The following DMD variants were observed in gnomAD, a reference collection of about 807,000 sequenced individuals.
The protein encoded by DMD is mutant dystrophin.
A neutral mutation model predicts 330.1 loss-of-function variants in DMD; 63 were observed. The ratio of observed to expected loss-of-function variants is 0.19; its 90% CI spans 0.16 to 0.24. The LOEUF is 0.24. Ranked by LOEUF, DMD falls within the 10% of genes least tolerant of loss-of-function variation. The probability of loss-of-function intolerance (pLI) is 1.00; values close to 1 mark genes in which losing one functional copy is unlikely to be tolerated. For synonymous variants in DMD, 1,223 were observed against 959.8 expected (o/e 1.27, Z -5.07); for missense variants, 3,344 against 2,684.1 (o/e 1.25, Z -5.43).
intron 74 of DMD, among the ~76,000 whole-genome samples, chrX:31,149,915 AC>A (rs2037191612): frequency 9.0e-6 from 1 of 111,358 alleles, no homozygotes; most frequent in Non-Finnish European, 1.9e-5. Flanking sequence ...CAATCAGAGA[AC>A]CCCTGTATGA....
At chrX:31,243,322 A>G (rs1365255938) in intron 63 of DMD, among the ~76,000 whole-genome samples, 3 of 112,075 alleles carry the variant, frequency 2.7e-5, no homozygotes, top group African/African-American at 9.7e-5. Flanking sequence ...TATAGAGAAT[A>G]AAATTTAATT....
intron 18 of DMD, among the ~76,000 whole-genome samples, chrX:32,513,019 T>A (rs1458495750): frequency 8.9e-6 from 1 of 112,064 alleles, no homozygotes; most frequent in Non-Finnish European, 1.9e-5. Flanking sequence ...TTAATGAAGA[T>A]GAGGGATATT....
intron 2 of DMD, among the ~76,000 whole-genome samples, chrX:32,967,791 C>T (rs944674728): frequency 9.0e-6 from 1 of 111,609 alleles, no homozygotes; most frequent in African/African-American, 3.3e-5. Flanking sequence ...AATGTAATCT[C>T]GGTTGAACAG....
intron 6 of DMD, among the ~76,000 whole-genome samples, chrX:32,815,520 T>TATATATATATACACACACACAC: frequency 1.1e-4 from 9 of 78,914 alleles, no homozygotes; most frequent in African/African-American, 4.2e-4. Flanking sequence ...TATATATATA[T>TATATATATATACACACACACAC]ACACACACAC....
intron 2 of DMD, among the ~76,000 whole-genome samples, chrX:32,931,550 G>A (rs1050421791): frequency 9.0e-6 from 1 of 111,471 alleles, no homozygotes; most frequent in Non-Finnish European, 1.9e-5. Flanking sequence ...TGTTTTTATG[G>A]CTAAGGTCAG....
chrX:31,417,534 G>A (rs1478531262), intron 60 of DMD, among the ~76,000 whole-genome samples: 1 of 111,072 alleles, frequency 9.0e-6, no homozygotes, highest in Non-Finnish European at 1.9e-5. Flanking sequence ...CTAAAGTCCT[G>A]TTTCATTTGA....
At chrX:32,871,596 G>A in intron 2 of DMD, among the ~76,000 whole-genome samples, 1 of 111,547 alleles carries the variant, frequency 9.0e-6, no homozygotes, top group South Asian at 3.8e-4. Flanking sequence ...GAGCACCAAT[G>A]ACATTATCTA....
intron 55 of DMD, among the ~76,000 whole-genome samples, chrX:31,564,838 T>C (rs2058940338): frequency 8.9e-6 from 1 of 111,974 alleles, no homozygotes; most frequent in Non-Finnish European, 1.9e-5. Flanking sequence ...GTGTTCAACA[T>C]TGCTTGAAGT....
chrX:31,909,773 T>G (rs1161272336), intron 47 of DMD, among the ~76,000 whole-genome samples: 1 of 112,500 alleles, frequency 8.9e-6, no homozygotes, highest in Non-Finnish European at 1.9e-5. Context: ...CGGTTAGTGT[T>G]AACAAATAAT....
At chrX:31,587,449 C>T (rs1442240863) in intron 55 of DMD, among the ~76,000 whole-genome samples, 2 of 112,030 alleles carry the variant, frequency 1.8e-5, no homozygotes, top group Non-Finnish European at 3.8e-5. Flanking sequence ...ATATATACAA[C>T]CTTTATCAAT....
intron 7 of DMD, among the ~76,000 whole-genome samples, chrX:32,708,987 T>A (rs2064938424): frequency 8.9e-6 from 1 of 112,141 alleles, no homozygotes; most frequent in Non-Finnish European, 1.9e-5. Flanking sequence ...ACATCACGCA[T>A]TTGTGTATTT....
rs759021954 is a variant in DMD at position 32,823,441 on chromosome X, CAAT to C, written c.265-57_265-55del. 5.3e-4 allele frequency: 407 copies of C among 768,650 alleles called. 1 individual carries two copies. The highest frequency in any genetic ancestry group is 7.1e-4 in the Non-Finnish European group (353 of 499,050). The allele number at this position is 768,650 out of a possible 1,213,427, so 63.3% of individuals were successfully genotyped here. ...AGGTAAGAGACCAAATGCCTAGTTG[CAAT>C]AATAATAATAATAAAAACGTGAAGG... On this transcript the variant is annotated intron_variant, in intron 4 of 78. Coordinates refer to ENST00000357033, the MANE Select transcript of DMD (RefSeq NM_004006.3).
At position 32,671,570 on chromosome X, in the gene DMD, A is replaced by G. The variant is rs2061637459; in HGVS notation, c.960+26300T>C. On this transcript the variant is annotated intron_variant, in intron 9 of 78. Transcript: ENST00000357033. Reference sequence around the variant, plus strand: ...TCATTTTCTGCCAAATATAATCTGCACCTCTGCTAATTACTCATTTTCCAT... The same window carrying G: ...TCATTTTCTGCCAAATATAATCTGCGCCTCTGCTAATTACTCATTTTCCAT... Among the ~76,000 whole-genome samples, 6 of 112,030 alleles carry G rather than the reference A, an allele frequency of 5.4e-5. No individual in the cohort carries two copies. In the South Asian group the frequency reaches 2.2e-3, roughly 41 times the overall value.
intron 49 of DMD, among the ~76,000 whole-genome samples, chrX:31,822,613 G>GGAGTGGGAA (rs1271908453): frequency 2.0e-5 from 2 of 99,646 alleles, no homozygotes; most frequent in Non-Finnish European, 4.0e-5. Flanking sequence ...GAAGTGGTCA[G>GGAGTGGGAA]CTGGACTGAA....
chrX:32,985,689 C>T (rs963857829), intron 2 of DMD, among the ~76,000 whole-genome samples: 1 of 111,997 alleles, frequency 8.9e-6, no homozygotes, highest in African/African-American at 3.2e-5. Flanking sequence ...CCCAGGGAGG[C>T]GAGTTTCAGC....
intron 1 of DMD, among the ~76,000 whole-genome samples, chrX:33,049,520 T>A (rs1384559538): frequency 9.0e-6 from 1 of 110,772 alleles, no homozygotes; most frequent in Admixed American, 9.7e-5. Context: ...GAAAAGATAA[T>A]GAAAAAGCAA....
chrX:32,789,885 C>G (rs983309509), intron 7 of DMD, among the ~76,000 whole-genome samples: 3 of 111,876 alleles, frequency 2.7e-5, no homozygotes, highest in Non-Finnish European at 5.6e-5. Flanking sequence ...TGATTTGAAG[C>G]AAAAGTTTAT....
At position 32,652,506 on chromosome X, in the gene DMD, T is replaced by C. The variant is rs193029962; in HGVS notation, c.961-7354A>G. 6.3e-4 allele frequency among the ~76,000 whole-genome samples: 70 copies of C among 110,799 alleles called. 1 individual carries two copies. Among genetic ancestry groups the C allele is most frequent in the African/African-American group, 2.1e-3 (63 of 30,448 alleles). ...GCTGCATAGTATTTCATGGTGTATA[T>C]GTGCCACATTTTCTTAATCCAGTCT... On this transcript the variant is annotated intron_variant, in intron 9 of 78. Transcript: ENST00000357033.
chrX:31,157,670 T>C (rs2038304299), intron 74 of DMD, among the ~76,000 whole-genome samples: 1 of 111,739 alleles, frequency 8.9e-6, no homozygotes, highest in African/African-American at 3.3e-5. Context: ...GTAGTTAGAC[T>C]TAGTCTTAAG....
Sources: gnomAD v4.1 joint callset for allele counts (sites outside exome capture counted in the v4.1 genomes callset) on GRCh38, gnomAD v4.1.1 for gene constraint, MANE v1.5 for transcripts, NCBI Gene and HGNC (gene_info 2026-07-23, HGNC 2026-07-21) for gene names.